The following LOXL2 variants were observed in gnomAD, a reference collection of about 807,000 sequenced individuals.
LOXL2 encodes lysyl oxidase like 2, also known as lysyl oxidase homolog 2.
Under a neutral mutation model 93.0 loss-of-function variants are expected in LOXL2, and 70 were observed. That is an observed-to-expected ratio of 0.75 (90% CI 0.62 to 0.92). The LOEUF is 0.92. Among genes scored for constraint, LOXL2 ranks in the 40% least tolerant of loss-of-function variants. The pLI, the probability that LOXL2 is intolerant of heterozygous loss-of-function variation, is 0.00. For synonymous variants in LOXL2, 438 were observed against 413.2 expected, an observed-to-expected ratio of 1.06 and a Z score of -0.73; for missense variants, 973 against 1,054.9, an observed-to-expected ratio of 0.92 and a Z score of 1.08.
chr8:23,340,885 C>A, intron 4 of LOXL2, 107 bp downstream of exon 4: 1 of 1,035,536 alleles, frequency 9.7e-7, no homozygotes, highest in Non-Finnish European at 1.5e-6. Context: ...CACCAGCTTG[C>A]CTGGCCATGC....
chr8:23,308,323 G>A (rs1013990078), intron 10 of LOXL2, among the ~76,000 whole-genome samples: 5 of 152,276 alleles, frequency 3.3e-5, no homozygotes, highest in Middle Eastern at 3.4e-3. Context: ...GGTCTGCCAC[G>A]GGCCCTGGGA....
chr8:23,313,259 C>T (rs1803344750), intron 9 of LOXL2, among the ~76,000 whole-genome samples: 1 of 152,128 alleles, frequency 6.6e-6, no homozygotes, highest in East Asian at 1.9e-4. Flanking sequence ...CCCCATCAAG[C>T]TACCAATGAC....
At chr8:23,377,829 G>A (rs1297799704) in intron 1 of LOXL2, among the ~76,000 whole-genome samples, 2 of 152,066 alleles carry the variant, frequency 1.3e-5, no homozygotes, top group Non-Finnish European at 1.5e-5. Flanking sequence ...GAGCCTATGT[G>A]TGTCTCTGCA....
intron 3 of LOXL2, among the ~76,000 whole-genome samples, chr8:23,347,465 C>T (rs1314886856): frequency 6.6e-6 from 1 of 152,030 alleles, no homozygotes; most frequent in African/African-American, 2.4e-5. Context: ...CGAGACCAGC[C>T]TGACTAACAT....
chr8:23,306,050 A>T (rs1327634269), intron 10 of LOXL2, among the ~76,000 whole-genome samples: 1 of 152,058 alleles, frequency 6.6e-6, no homozygotes, highest in Non-Finnish European at 1.5e-5. Flanking sequence ...ACCTCAAGTG[A>T]TCCACTCGCC....
At chr8:23,359,964 A>T (rs1804261133) in intron 3 of LOXL2, 126 bp downstream of exon 3, 1 of 844,096 alleles carries the variant, frequency 1.2e-6, no homozygotes, top group African/African-American at 1.7e-5. Context: ...CTTGTATCTA[A>T]TCCCATTGGG....
intron 3 of LOXL2, among the ~76,000 whole-genome samples, chr8:23,342,464 C>G (rs1383014088): frequency 6.7e-6 from 1 of 150,218 alleles, no homozygotes; most frequent in East Asian, 2.0e-4. Flanking sequence ...CGGAGTCTCG[C>G]TCTGTCGCCC....
intron 9 of LOXL2, among the ~76,000 whole-genome samples, chr8:23,315,792 C>G (rs1803385160): frequency 6.6e-6 from 1 of 152,232 alleles, no homozygotes; most frequent in Admixed American, 6.5e-5. Flanking sequence ...ATTTTGCCAG[C>G]ACCTGTCTAT....
chr8:23,388,356 T>C (rs576663358), intron 1 of LOXL2, among the ~76,000 whole-genome samples: 9 of 152,220 alleles, frequency 5.9e-5, no homozygotes, highest in African/African-American at 1.9e-4. Flanking sequence ...GGTGGGATGA[T>C]TGCTTCAGCT....
At chr8:23,385,252 T>TTC (rs1353535306) in intron 1 of LOXL2, among the ~76,000 whole-genome samples, 2 of 150,740 alleles carry the variant, frequency 1.3e-5, no homozygotes, top group African/African-American at 4.9e-5. Context: ...TTCTTTTTTT[T>TTC]TTTTTTTTTG....
chr8:23,332,077 GAA>G (rs1253027768), intron 5 of LOXL2: 1 of 144,114 alleles, frequency 6.9e-6, no homozygotes, highest in South Asian at 2.3e-4. Context: ...GAAAAGAAAA[GAA>G]AAAAGAAATC....
At chr8:23,370,416 C>A (rs1464848249) in intron 1 of LOXL2, among the ~76,000 whole-genome samples, 1 of 152,148 alleles carries the variant, frequency 6.6e-6, no homozygotes, top group Non-Finnish European at 1.5e-5. Flanking sequence ...ACCCTCAGGC[C>A]CAAGGGACAG....
chr8:23,338,309 G>A (rs1247721119), intron 4 of LOXL2, among the ~76,000 whole-genome samples: 1 of 128,412 alleles, frequency 7.8e-6, no homozygotes, highest in African/African-American at 3.5e-5. Context: ...GGAAGCAGAG[G>A]TGCTGAGGAA....
intron 1 of LOXL2, among the ~76,000 whole-genome samples, chr8:23,394,382 GACT>G (rs1163614615): frequency 9.8e-5 from 13 of 133,044 alleles, no homozygotes; most frequent in Non-Finnish European, 1.4e-4. Context: ...GACAGAGTGA[GACT>G]CTGTCTCAGA....
chr8:23,332,354 CAT>C (rs1207106227), intron 5 of LOXL2, among the ~76,000 whole-genome samples: 1 of 125,194 alleles, frequency 8.0e-6, no homozygotes, highest in African/African-American at 3.0e-5. Context: ...CCCCCACACT[CAT>C]ACACACCCAC....
intron 3 of LOXL2, among the ~76,000 whole-genome samples, chr8:23,351,824 T>C (rs1804098145): frequency 6.6e-6 from 1 of 152,142 alleles, no homozygotes; most frequent in African/African-American, 2.4e-5. Flanking sequence ...AATCGCGGAA[T>C]GTGAGGGCTA....
chr8:23,376,768 G>T (rs1002910275), intron 1 of LOXL2, among the ~76,000 whole-genome samples: 5 of 152,168 alleles, frequency 3.3e-5, no homozygotes, highest in Non-Finnish European at 7.4e-5. Flanking sequence ...TTGTATTTCT[G>T]TGGGATCAGT....
intron 1 of LOXL2, among the ~76,000 whole-genome samples, chr8:23,378,232 GA>G (rs1479122470): frequency 5.9e-5 from 9 of 152,192 alleles, no homozygotes; most frequent in Non-Finnish European, 1.3e-4. Context: ...ATTCTGGGTT[GA>G]AAATTCTTTT....
At chr8:23,402,069 C>T (rs553190626) in intron 1 of LOXL2, among the ~76,000 whole-genome samples, 5 of 151,856 alleles carry the variant, frequency 3.3e-5, no homozygotes, top group African/African-American at 9.7e-5. Flanking sequence ...TGCACAAACG[C>T]GCACACACAC....
Sources: gnomAD v4.1 joint callset for allele counts (sites outside exome capture counted in the v4.1 genomes callset) on GRCh38, gnomAD v4.1.1 for gene constraint, MANE v1.5 for transcripts, NCBI Gene and HGNC (gene_info 2026-07-23, HGNC 2026-07-21) for gene names.